Variants in SLC33A1 observed in about 807,000 individuals in gnomAD.
The protein encoded by SLC33A1 is solute carrier family 33 member 1, also known as acetyl-coenzyme A transporter 1.
A neutral mutation model predicts 50.0 loss-of-function variants in SLC33A1; 20 were observed. The observed-to-expected ratio is 0.40, with a 90% CI of 0.28 to 0.58. The LOEUF (loss-of-function observed/expected upper bound fraction) is 0.58, where lower values mean the gene tolerates loss of function less well. Among genes scored for constraint, SLC33A1 ranks in the 20% least tolerant of loss-of-function variants. SLC33A1 has a pLI of 0.44. For missense variants in SLC33A1, 476 were observed against 657.0 expected (o/e 0.72, Z 3.01); for synonymous variants, 265 against 251.8 (o/e 1.05, Z -0.50).
intron 2 of SLC33A1, among the ~76,000 whole-genome samples, chr3:155,836,413 A>G (rs541467578): frequency 4.3e-4 from 66 of 151,802 alleles, no homozygotes; most frequent in African/African-American, 1.5e-3. Flanking sequence ...AAAAAATTAA[A>G]GGTAACATAT....
rs777143987 is a variant in SLC33A1 at position 155,828,301 on chromosome 3, A to C, written c.1559T>G (p.Ile520Ser). 2.5e-6 allele frequency: 4 copies of C among 1,606,000 alleles called. No homozygotes were observed. The highest frequency in any genetic ancestry group is 2.6e-6 in the Non-Finnish European group (3 of 1,172,698). The change falls in exon 6 of 6, where the codon ATT becomes AGT. Residue 520 changes from isoleucine to serine, a missense_variant. Coordinates refer to ENST00000643144, the MANE Select transcript of SLC33A1 (RefSeq NM_004733.4). ...YYVESIICVFIGFGWWFFLGP... is the reference protein window; with the variant it reads ...YYVESIICVFSGFGWWFFLGP... The stretch of plus-strand genomic sequence containing the variant: ...AAGAAAGAACCACCAACCAAATCCA[A>C]TGAAAACACAAATAATGGACTCCAC...
chr3:155,822,651 C>G lies in SLC33A1; in HGVS notation c.*5559G>C, dbSNP rs955270773. On this transcript the variant is annotated 3_prime_UTR_variant, in exon 6 of 6. Transcript: ENST00000643144. ...CTGTACCTTGTGCATTTCAGTCATG[C>G]CATTTAATCATTATTCTTCACATAA... 1 of 151,458 alleles carries G rather than the reference C, an allele frequency of 6.6e-6. No individual in the cohort carries two copies. The highest frequency in any genetic ancestry group is 2.4e-5 in the African/African-American group (1 of 41,224). 9.4% of individuals were successfully genotyped at this position (151,458 alleles called of 1,614,324 possible).
rs765511075 is a variant in SLC33A1, at chr3:155,842,536, C to G, written c.859G>C (p.Val287Leu). The change falls in exon 2 of 6, where the codon GTA (valine) becomes CTA (leucine). Residue 287 changes from valine to leucine, a missense_variant. Coordinates refer to ENST00000643144, the MANE Select transcript of SLC33A1 (RefSeq NM_004733.4). ...GTGATCCCTTGTGTTTCTTCTTTTA[C>G]TACTGATACTTCGTTTTCTTTTTTC... is the stretch of plus-strand genomic sequence containing the variant. ...LLKKENEVSVVKEETQGITDT... is the reference protein window; with the variant it reads ...LLKKENEVSVLKEETQGITDT... 2 of 1,605,164 alleles carry G rather than the reference C, an allele frequency of 1.2e-6. No homozygotes were observed. The highest frequency in any genetic ancestry group is 2.2e-5 in the South Asian group (2 of 89,546).
chr3:155,851,505 A>G (rs1456477228), intron 1 of SLC33A1, among the ~76,000 whole-genome samples: 1 of 148,652 alleles, frequency 6.7e-6, no homozygotes, highest in African/African-American at 2.5e-5. Flanking sequence ...CCCACCTCAG[A>G]CTCCCAAAGT....
At position 155,822,342 on chromosome 3, in the gene SLC33A1, C is replaced by A. The variant is rs941244206; in HGVS notation, c.*5868G>T. 6.6e-6 allele frequency: 1 copy of A among 152,052 alleles called. No homozygotes were observed. The highest frequency in any genetic ancestry group is 1.5e-5 in the Non-Finnish European group (1 of 68,060). The allele number at this position is 152,052 out of a possible 1,614,324, so 9.4% of individuals were successfully genotyped here. A position where few individuals can be genotyped will look rare whatever the true frequency, so the allele number is the denominator to read the frequency against. ...GTGGCTCACACCTGCAATCCCAGCA[C>A]TTTGGGAGGCCGAGGCAGGCAGATC... On this transcript the variant is annotated 3_prime_UTR_variant, in exon 6 of 6. Coordinates refer to ENST00000643144, the MANE Select transcript of SLC33A1 (RefSeq NM_004733.4).
Position 155,827,402 on chromosome 3 carries a change from C to T in SLC33A1, c.*808G>A, listed in dbSNP as rs1213960663. On this transcript the variant is annotated 3_prime_UTR_variant, in exon 6 of 6. Transcript: ENST00000643144. ...TACATACAACACTGAATTTGATCCCCTCCATTGGCTGTCTGTGTGCCAGGA... is the reference window on the plus strand; with the variant it reads ...TACATACAACACTGAATTTGATCCCTTCCATTGGCTGTCTGTGTGCCAGGA... 1 of 152,042 alleles carries T rather than the reference C, an allele frequency of 6.6e-6. No individual in the cohort carries two copies. The highest frequency in any genetic ancestry group is 2.4e-5 in the African/African-American group (1 of 41,404). The allele number at this position is 152,042 out of a possible 1,614,324, so 9.4% of individuals were successfully genotyped here. A position where few individuals can be genotyped will look rare whatever the true frequency, so the allele number is the denominator to read the frequency against.
chr3:155,833,222 C>A (rs1433251316), intron 4 of SLC33A1, among the ~76,000 whole-genome samples: 1 of 151,906 alleles, frequency 6.6e-6, no homozygotes, highest in Non-Finnish European at 1.5e-5. Flanking sequence ...GCACCCCAGC[C>A]TGGGTGACAG....
At chr3:155,851,997 A>T (rs1753418447) in intron 1 of SLC33A1, among the ~76,000 whole-genome samples, 1 of 152,204 alleles carries the variant, frequency 6.6e-6, no homozygotes, top group Non-Finnish European at 1.5e-5. Flanking sequence ...AAGGTAGCAC[A>T]GAAGCTGAGA....
At position 155,829,820 on chromosome 3, in the gene SLC33A1, G is replaced by T. The variant is rs142996161; in HGVS notation, c.1350C>A (p.Thr450=). Residue 450 remains threonine, a synonymous_variant, in exon 5 of 6, where the codon ACC becomes ACA. Transcript: ENST00000643144. ...SDPLIGGTYM[T]LLNTVSNLGG... is the part of the protein sequence containing the mutation. ...CCAGATTGGACACGGTATTTAAAAG[G>T]GTCATGTATGTTCCTCCAATAAGTG... The T allele has an allele frequency of 5.6e-6, 9 of 1,613,548 alleles. No homozygotes were observed. Among genetic ancestry groups the T allele is most frequent in the Admixed American group, 1.7e-5 (1 of 59,988 alleles).
At chr3:155,848,050 G>T (rs1435813100) in intron 1 of SLC33A1, among the ~76,000 whole-genome samples, 1 of 152,072 alleles carries the variant, frequency 6.6e-6, no homozygotes, top group African/African-American at 2.4e-5. Flanking sequence ...AGAGGAGAGG[G>T]CCTCAATTAC....
At chr3:155,829,581 A>G (rs1453648451) in intron 5 of SLC33A1, 107 bp downstream of exon 5, 5 of 808,748 alleles carry the variant, frequency 6.2e-6, no homozygotes, top group Non-Finnish European at 1.0e-5. Context: ...ACCAGAACCT[A>G]TGGACAGATA....
At position 155,821,281 on chromosome 3, in the gene SLC33A1, T is replaced by A. The variant is rs937898110; in HGVS notation, c.*6929A>T. On this transcript the variant is annotated 3_prime_UTR_variant, in exon 6 of 6. Coordinates refer to ENST00000643144, the MANE Select transcript of SLC33A1 (RefSeq NM_004733.4). ...AACAGAAATGATTGTGTGCTGTGTA[T>A]CTCTAATTCAAACTTGGACATGGGC... is the stretch of plus-strand genomic sequence containing the variant. The A allele has an allele frequency of 3.9e-5, 6 of 152,238 alleles. No individual in the cohort carries two copies. The highest frequency in any genetic ancestry group is 1.4e-4 in the African/African-American group (6 of 41,472). The allele number at this position is 152,238 out of a possible 1,614,324, so 9.4% of individuals were successfully genotyped here.
intron 4 of SLC33A1, among the ~76,000 whole-genome samples, chr3:155,830,454 C>T (rs1560012066): frequency 6.6e-6 from 1 of 151,670 alleles, no homozygotes; most frequent in Non-Finnish European, 1.5e-5. Context: ...CCTTCTGTGA[C>T]ATTGAAGAAT....
chr3:155,840,463 C>T (rs1323621984), intron 2 of SLC33A1, among the ~76,000 whole-genome samples: 2 of 152,020 alleles, frequency 1.3e-5, no homozygotes, highest in African/African-American at 4.8e-5. Flanking sequence ...GGGTGGATCA[C>T]CTGAGGTCAG....
At position 155,847,677 on chromosome 3, in the gene SLC33A1, G is replaced by A. The variant is rs530393902; in HGVS notation, c.776-5058C>T. 1.2e-3 allele frequency among the ~76,000 whole-genome samples: 189 copies of A among 152,032 alleles called. 1 individual carries two copies. Among genetic ancestry groups the A allele is most frequent in the Non-Finnish European group, 2.2e-3 (150 of 67,998 alleles). On this transcript the variant is annotated intron_variant, in intron 1 of 5. Transcript: ENST00000643144. Reference sequence around the variant, plus strand: ...GCAGGAGAATCGCTTGAACCTGGGAGGCAGAAGTTGCAGTGAGCCGAGATC... The same window carrying A: ...GCAGGAGAATCGCTTGAACCTGGGAAGCAGAAGTTGCAGTGAGCCGAGATC...
intron 2 of SLC33A1, 70 bp from the exon 3 acceptor site, chr3:155,834,111 G>A (rs1311848502): frequency 8.1e-7 from 1 of 1,236,460 alleles, no homozygotes; most frequent in Non-Finnish European, 1.2e-6. Flanking sequence ...GCATATGTAA[G>A]TTCTTCAAGA....
chr3:155,838,739 A>C (rs1577466106), intron 2 of SLC33A1, among the ~76,000 whole-genome samples: 1 of 151,956 alleles, frequency 6.6e-6, no homozygotes, highest in African/African-American at 2.4e-5. Context: ...AGTTCTAACT[A>C]CTTGAGAGGC....
At chr3:155,836,362 G>A (rs1253117463) in intron 2 of SLC33A1, among the ~76,000 whole-genome samples, 5 of 143,876 alleles carry the variant, frequency 3.5e-5, no homozygotes, top group Middle Eastern at 3.8e-3. Context: ...TAGTATACAC[G>A]GTAACTTCTT....
At position 155,837,423 on chromosome 3, in the gene SLC33A1, C is replaced by G. The variant is rs368823959; in HGVS notation, c.964-3382G>C. Among the ~76,000 whole-genome samples the G allele has an allele frequency of 1.7e-4, 25 of 149,388 alleles. 1 individual carries two copies. Among genetic ancestry groups the G allele is most frequent in the East Asian group, 1.4e-3 (7 of 5,052 alleles). On this transcript the variant is annotated intron_variant, in intron 2 of 5. Transcript: ENST00000643144. ...GATGTGAAACTCCTTAAAATCAGAACTCTCTTACACTGCTGGTGGTAGGGA... is the reference window on the plus strand; with the variant it reads ...GATGTGAAACTCCTTAAAATCAGAAGTCTCTTACACTGCTGGTGGTAGGGA...
Sources: allele counts gnomAD v4.1 joint callset (sites outside exome capture counted in the v4.1 genomes callset), GRCh38; gene constraint gnomAD v4.1.1; transcripts MANE v1.5; gene names NCBI Gene and HGNC (gene_info 2026-07-23, HGNC 2026-07-21).